Variants in ADAM18 observed in about 807,000 individuals in gnomAD.
ADAM18 encodes disintegrin and metalloproteinase domain-containing protein 18.
ADAM18 carries 117 observed loss-of-function variants against 94.4 expected under a neutral mutation model. The observed-to-expected ratio is 1.24, with a 90% confidence interval of 1.07 to 1.45. The LOEUF is 1.45. Ranked by LOEUF, ADAM18 falls within the 40% of genes most tolerant of loss-of-function variation. ADAM18 has a pLI of 0.00. For missense variants in ADAM18, 936 were observed against 880.0 expected, an observed-to-expected ratio of 1.06 and a Z score of -0.81; for synonymous variants, 327 against 291.6, an observed-to-expected ratio of 1.12 and a Z score of -1.24.
At chr8:39,724,118 G>A (rs1193344748) in intron 19 of ADAM18, among the ~76,000 whole-genome samples, 1 of 151,674 alleles carries the variant, frequency 6.6e-6, no homozygotes, top group African/African-American at 2.4e-5. Context: ...TTCCTGATGA[G>A]TATCCTATGC....
intron 2 of ADAM18, among the ~76,000 whole-genome samples, chr8:39,588,653 T>C (rs577033755): frequency 3.3e-5 from 5 of 152,186 alleles, no homozygotes; most frequent in Admixed American, 6.5e-5. Flanking sequence ...AACTCTCCAG[T>C]TGGGGAGAGC....
intron 7 of ADAM18, among the ~76,000 whole-genome samples, chr8:39,632,025 A>G (rs1819943835): frequency 6.6e-6 from 1 of 151,764 alleles, no homozygotes. Context: ...TTTTTGCATA[A>G]TTTACTTGTT....
Position 39,610,968 on chromosome 8 carries a change from A to G in ADAM18, c.522+262A>G, listed in dbSNP as rs966124753. ...ATGATACTATTGAAAAAGTTTAGAAATGCAGAAAGAACAGAGTCACTGTTA... is the reference window on the plus strand; with the variant it reads ...ATGATACTATTGAAAAAGTTTAGAAGTGCAGAAAGAACAGAGTCACTGTTA... On this transcript the variant is annotated intron_variant, in intron 6 of 19. Transcript: ENST00000265707. 5 of 1,208,486 alleles carry G rather than the reference A, an allele frequency of 4.1e-6. No homozygotes were observed. In the African/African-American group the frequency reaches 7.9e-5, roughly 19 times the overall value. The allele number at this position is 1,208,486 out of a possible 1,614,324, so 74.9% of individuals were successfully genotyped here. A position where few individuals can be genotyped will look rare whatever the true frequency, so the allele number is the denominator to read the frequency against.
chr8:39,707,667 G>T (rs567800732), intron 18 of ADAM18, among the ~76,000 whole-genome samples: 4 of 151,974 alleles, frequency 2.6e-5, no homozygotes, highest in African/African-American at 9.6e-5. Context: ...TGTATATTTT[G>T]TATGTATATT....
At chr8:39,642,807 C>T (rs919618415) in intron 10 of ADAM18, among the ~76,000 whole-genome samples, 1 of 152,084 alleles carries the variant, frequency 6.6e-6, no homozygotes, top group Non-Finnish European at 1.5e-5. Context: ...ATACTTTTCT[C>T]TAGCTCTGTG....
chr8:39,718,841 G>T (rs1822658672), intron 18 of ADAM18, among the ~76,000 whole-genome samples: 1 of 151,058 alleles, frequency 6.6e-6, no homozygotes, highest in Non-Finnish European at 1.5e-5. Context: ...ATAAATTAAA[G>T]AAGATTTAAA....
At chr8:39,721,790 T>C (rs1378350856) in intron 18 of ADAM18, among the ~76,000 whole-genome samples, 2 of 151,428 alleles carry the variant, frequency 1.3e-5, no homozygotes, top group African/African-American at 4.8e-5. Context: ...GGGAACACTT[T>C]TATACTGCTG....
chr8:39,674,576 A>AT (rs1168796174), intron 14 of ADAM18, among the ~76,000 whole-genome samples: 4 of 152,032 alleles, frequency 2.6e-5, no homozygotes, highest in African/African-American at 4.8e-5. Context: ...TCTTTATCCA[A>AT]TTTGCCAGTC....
chr8:39,663,664 T>C (rs569441027), intron 12 of ADAM18, 131 bp from the exon 13 acceptor site: 11 of 505,420 alleles, frequency 2.2e-5, no homozygotes, highest in Admixed American at 1.2e-4. Flanking sequence ...TACAGCTTCA[T>C]TGGAATTATA....
chr8:39,651,028 A>G (rs1416919673), intron 12 of ADAM18, among the ~76,000 whole-genome samples: 1 of 152,260 alleles, frequency 6.6e-6, no homozygotes, highest in Non-Finnish European at 1.5e-5. Context: ...CAATAGGGTA[A>G]GAGTGGAGAG....
chr8:39,705,549 A>AC (rs1471535175), intron 17 of ADAM18, among the ~76,000 whole-genome samples: 2 of 152,094 alleles, frequency 1.3e-5, no homozygotes, highest in Non-Finnish European at 2.9e-5. Context: ...ACAAAGCAAG[A>AC]CCCCATCTAA....
intron 14 of ADAM18, 133 bp from the exon 15 acceptor site, chr8:39,677,298 G>C (rs1187415091): frequency 6.3e-6 from 4 of 633,562 alleles, no homozygotes; most frequent in Non-Finnish European, 1.1e-5. Flanking sequence ...TGCATTGACA[G>C]GGTATGCATA....
intron 2 of ADAM18, among the ~76,000 whole-genome samples, chr8:39,592,270 A>G (rs1223751690): frequency 6.6e-6 from 1 of 152,186 alleles, no homozygotes; most frequent in African/African-American, 2.4e-5. Context: ...GGGTAGAATG[A>G]TAGTTCTATT....
At chr8:39,630,670 GT>G (rs1172936674) in intron 7 of ADAM18, among the ~76,000 whole-genome samples, 2 of 151,784 alleles carry the variant, frequency 1.3e-5, no homozygotes, top group African/African-American at 4.8e-5. Context: ...CCACAATTTG[GT>G]GCTATTATGA....
intron 6 of ADAM18, among the ~76,000 whole-genome samples, chr8:39,623,207 T>C (rs1433565993): frequency 6.6e-6 from 1 of 152,244 alleles, no homozygotes; most frequent in Non-Finnish European, 1.5e-5. Context: ...TTTTTATGGC[T>C]GAGTAGCATT....
intron 2 of ADAM18, among the ~76,000 whole-genome samples, chr8:39,586,699 C>G (rs192706903): frequency 9.0e-4 from 137 of 152,200 alleles, no homozygotes; most frequent in Non-Finnish European, 1.4e-3. Context: ...TGTACTCCAG[C>G]CTGGATGACA....
intron 14 of ADAM18, among the ~76,000 whole-genome samples, chr8:39,668,676 T>G (rs979168313): frequency 4.6e-5 from 7 of 152,148 alleles, no homozygotes; most frequent in Non-Finnish European, 1.5e-5. Flanking sequence ...CAAACAGCTT[T>G]GAGAGTAATT....
chr8:39,637,000 A>G (rs1820089747), intron 7 of ADAM18, among the ~76,000 whole-genome samples: 1 of 142,262 alleles, frequency 7.0e-6, no homozygotes, highest in Non-Finnish European at 1.5e-5. Flanking sequence ...GCTTAATAAT[A>G]TTTCCGCATG....
At chr8:39,600,303 T>C (rs1381500668) in intron 2 of ADAM18, among the ~76,000 whole-genome samples, 2 of 152,196 alleles carry the variant, frequency 1.3e-5, no homozygotes, top group Admixed American at 6.5e-5. Flanking sequence ...ACTTAGGTAA[T>C]ATTTAGAAGT....
Sources: gnomAD v4.1 joint callset for allele counts (sites outside exome capture counted in the v4.1 genomes callset) on GRCh38, gnomAD v4.1.1 for gene constraint, MANE v1.5 for transcripts, NCBI Gene and HGNC (gene_info 2026-07-23, HGNC 2026-07-21) for gene names.